ALPK1: variants seen among roughly 807,000 people sequenced by gnomAD.
ALPK1 encodes the protein alpha kinase 1.
Under a neutral mutation model 120.6 loss-of-function variants are expected in ALPK1, and 110 were observed. That is an observed-to-expected ratio of 0.91 (90% confidence interval 0.78 to 1.07). The LOEUF (loss-of-function observed/expected upper bound fraction) is 1.07. ALPK1 is among the 50% of genes least tolerant of loss of function. The probability of loss-of-function intolerance (pLI) is 0.00; values close to 1 mark genes in which losing one functional copy is unlikely to be tolerated. For missense variants in ALPK1, 1,498 were observed against 1,483.9 expected (o/e 1.01, Z -0.16); for synonymous variants, 582 against 560.3 (o/e 1.04, Z -0.55).
intron 1 of ALPK1, among the ~76,000 whole-genome samples, chr4:112,311,981 G>GT (rs72030167): frequency 2.6e-5 from 4 of 151,818 alleles, no homozygotes; most frequent in Non-Finnish European, 4.4e-5. Flanking sequence ...GGGTCACAGT[G>GT]TTTTTTTTCT....
At chr4:112,328,050 G>A (rs1729194363) in intron 2 of ALPK1, among the ~76,000 whole-genome samples, 1 of 152,236 alleles carries the variant, frequency 6.6e-6, no homozygotes, top group African/African-American at 2.4e-5. Flanking sequence ...GATATGACCT[G>A]TAGATGGCGA....
rs112102255 is a variant in ALPK1, at chr4:112,356,138, C to T, written c.-100-21540C>T. ...GCCCTCCTGAGAACAGGCTGATATG[C>T]CCAAGATAGTCCTGAATGGTGTGAC... On this transcript the variant is annotated intron_variant, in intron 2 of 15. Transcript: ENST00000650871. 209 of 1,595,246 alleles carry T rather than the reference C, an allele frequency of 1.3e-4. 1 individual carries two copies. The African/African-American group carries it at 2.3e-3, about 17-fold the overall frequency.
chr4:112,423,592 C>A, intron 5 of ALPK1: 1 of 400,894 alleles, frequency 2.5e-6, no homozygotes, highest in Non-Finnish European at 4.8e-6. Flanking sequence ...CCACGGGCAA[C>A]TCTATTCCAC....
rs146257703 is a variant in ALPK1, at chr4:112,405,258, T to C, written c.277-6569T>C. On this transcript the variant is annotated intron_variant, in intron 4 of 15. Transcript: ENST00000650871. Reference sequence around the variant, plus strand: ...AGGATGCCACTGGACTTACAAAGTGTCCTTGTAGCTCACTGTGAGGAGTGC... The same window carrying C: ...AGGATGCCACTGGACTTACAAAGTGCCCTTGTAGCTCACTGTGAGGAGTGC... 1.8e-3 allele frequency among the ~76,000 whole-genome samples: 270 copies of C among 152,278 alleles called. 1 individual carries two copies. The highest frequency in any genetic ancestry group is 3.2e-3 in the Non-Finnish European group (216 of 68,008).
intron 2 of ALPK1, among the ~76,000 whole-genome samples, chr4:112,353,788 G>T (rs1730472791): frequency 6.6e-6 from 1 of 152,094 alleles, no homozygotes; most frequent in African/African-American, 2.4e-5. Context: ...AGAATTGCTT[G>T]AACCTAGGAG....
intron 2 of ALPK1, among the ~76,000 whole-genome samples, chr4:112,349,555 C>CCCCG (rs1553939374): frequency 2.8e-5 from 4 of 142,584 alleles, no homozygotes; most frequent in African/African-American, 5.4e-5. Flanking sequence ...ACCCCTGCCC[C>CCCCG]CCCCCGCTTT....
At chr4:112,323,508 G>A (rs1728957163) in intron 2 of ALPK1, among the ~76,000 whole-genome samples, 2 of 152,092 alleles carry the variant, frequency 1.3e-5, no homozygotes, top group Admixed American at 6.6e-5. Context: ...TGCATTATTG[G>A]TGCCACAAAT....
intron 1 of ALPK1, among the ~76,000 whole-genome samples, chr4:112,314,141 CCT>C (rs1728534624): frequency 6.6e-6 from 1 of 152,088 alleles, no homozygotes; most frequent in Non-Finnish European, 1.5e-5. Context: ...ATGGGTGGTC[CCT>C]CTCTGATAGC....
chr4:112,306,105 G>C (rs187353421), intron 1 of ALPK1, among the ~76,000 whole-genome samples: 3 of 152,148 alleles, frequency 2.0e-5, no homozygotes, highest in African/African-American at 7.2e-5. Context: ...AAGCCCACTT[G>C]ATCATGGTGG....
chr4:112,309,076 A>T (rs1361172743), intron 1 of ALPK1, among the ~76,000 whole-genome samples: 1 of 152,122 alleles, frequency 6.6e-6, no homozygotes, highest in Non-Finnish European at 1.5e-5. Flanking sequence ...ATTGCTGAAC[A>T]GCAAATGTTG....
chr4:112,316,705 G>T (rs1728648954), intron 2 of ALPK1, among the ~76,000 whole-genome samples: 1 of 152,192 alleles, frequency 6.6e-6, no homozygotes, highest in Non-Finnish European at 1.5e-5. Context: ...CTTTTGATCT[G>T]CATTTCTGTA....
chr4:112,423,905 T>G, intron 5 of ALPK1, 39 bp from the exon 6 acceptor site: 1 of 1,609,784 alleles, frequency 6.2e-7, no homozygotes, highest in Non-Finnish European at 8.5e-7. Context: ...AAGTGCATGT[T>G]CAAAGCTAAT....
intron 6 of ALPK1, among the ~76,000 whole-genome samples, chr4:112,424,606 T>C (rs1242352667): frequency 2.6e-5 from 4 of 152,196 alleles, no homozygotes; most frequent in African/African-American, 9.6e-5. Context: ...ACAGTTTCCA[T>C]TGGACTTTTA....
At chr4:112,413,725 C>T (rs1733600984) in intron 5 of ALPK1, among the ~76,000 whole-genome samples, 1 of 152,008 alleles carries the variant, frequency 6.6e-6, no homozygotes, top group South Asian at 2.1e-4. Context: ...GACCCGGTTT[C>T]CTTTTTTTAA....
chr4:112,422,696 T>C (rs1324959453), intron 5 of ALPK1, among the ~76,000 whole-genome samples: 1 of 152,218 alleles, frequency 6.6e-6, no homozygotes, highest in African/African-American at 2.4e-5. Flanking sequence ...GTTTGGGTGA[T>C]TATTATAAGT....
chr4:112,426,579 T>C, intron 8 of ALPK1, 36 bp downstream of exon 8: 1 of 1,448,426 alleles, frequency 6.9e-7, no homozygotes. Context: ...TCCTTTCCTG[T>C]ATTTGTCTTT....
At chr4:112,430,366 T>C in intron 10 of ALPK1, 82 bp from the exon 11 acceptor site, 1 of 1,268,354 alleles carries the variant, frequency 7.9e-7, no homozygotes, top group South Asian at 1.5e-5. Flanking sequence ...CAAATGACTG[T>C]CCTCCAGAAA....
intron 2 of ALPK1, among the ~76,000 whole-genome samples, chr4:112,361,629 A>G (rs1440943627): frequency 6.6e-6 from 1 of 152,022 alleles, no homozygotes; most frequent in Non-Finnish European, 1.5e-5. Flanking sequence ...ACCTTTCACT[A>G]CCTTCCCTGG....
In ALPK1 at chr4:112,441,383, G is replaced by T. The variant is rs1735035636; in HGVS notation, c.*173G>T. 1 of 690,192 alleles carries T rather than the reference G, an allele frequency of 1.4e-6. No individual in the cohort carries two copies. The highest frequency in any genetic ancestry group is 2.5e-5 in the East Asian group (1 of 40,036). 42.8% of individuals were successfully genotyped at this position (690,192 alleles called of 1,614,324 possible). On this transcript the variant is annotated 3_prime_UTR_variant, in exon 16 of 16. Coordinates refer to ENST00000650871, the MANE Select transcript of ALPK1 (RefSeq NM_025144.4). ...CACAGTTATCAAGAATGGGTCAGGA[G>T]ACCGCTGCTTCTGGGCATAAGTCCT...
Sources: gnomAD v4.1 joint callset for allele counts (sites outside exome capture counted in the v4.1 genomes callset) on GRCh38, gnomAD v4.1.1 for gene constraint, MANE v1.5 for transcripts, NCBI Gene and HGNC (gene_info 2026-07-23, HGNC 2026-07-21) for gene names.